The following PIP5K1B variants were observed in gnomAD, a reference collection of about 807,000 sequenced individuals.
PIP5K1B encodes phosphatidylinositol-4-phosphate 5-kinase type 1 beta.
A neutral mutation model predicts 67.0 loss-of-function variants in PIP5K1B; 42 were observed. That is an observed-to-expected ratio of 0.63 (90% CI 0.49 to 0.81). PIP5K1B has a LOEUF of 0.81. Ranked by LOEUF, PIP5K1B falls within the 30% of genes least tolerant of loss-of-function variation. PIP5K1B has a pLI of 0.00. For synonymous variants in PIP5K1B, 214 were observed against 231.4 expected (o/e 0.92, Z 0.68); for missense variants, 459 against 646.3 (o/e 0.71, Z 3.14).
At chr9:68,709,530 G>A (rs1334005094) in intron 1 of PIP5K1B, among the ~76,000 whole-genome samples, 1 of 152,168 alleles carries the variant, frequency 6.6e-6, no homozygotes, top group Non-Finnish European at 1.5e-5. Context: ...CCTGTGCTCG[G>A]CCAAAATGTT....
At chr9:68,798,841 A>G (rs561505732) in intron 2 of PIP5K1B, among the ~76,000 whole-genome samples, 1 of 152,336 alleles carries the variant, frequency 6.6e-6, no homozygotes, top group East Asian at 1.9e-4. Context: ...TAGTCTAGGC[A>G]AGAGATATTG....
At chr9:68,943,831 G>T (rs1461338566) in intron 14 of PIP5K1B, among the ~76,000 whole-genome samples, 1 of 152,160 alleles carries the variant, frequency 6.6e-6, no homozygotes, top group Admixed American at 6.5e-5. Flanking sequence ...ACTTCAACTA[G>T]CAGTTGTCAT....
chr9:68,996,286 T>G (rs1571637), intron 15 of PIP5K1B, among the ~76,000 whole-genome samples: 10,502 of 152,250 alleles, frequency 0.069, 1,212 homozygotes, highest in African/African-American at 0.24. Flanking sequence ...AAAAGGCAGC[T>G]AATTGTTCCA....
intron 5 of PIP5K1B, among the ~76,000 whole-genome samples, chr9:68,870,390 C>T (rs1202088241): frequency 1.3e-5 from 2 of 152,202 alleles, no homozygotes; most frequent in African/African-American, 4.8e-5. Context: ...AACTGCTCAG[C>T]AACAGGAGGT....
At chr9:68,913,313 A>G (rs1825939443) in intron 8 of PIP5K1B, among the ~76,000 whole-genome samples, 1 of 152,214 alleles carries the variant, frequency 6.6e-6, no homozygotes, top group South Asian at 2.1e-4. Context: ...TACAGAATAT[A>G]CTAGCAACAG....
intron 2 of PIP5K1B, among the ~76,000 whole-genome samples, chr9:68,797,523 T>G (rs913184280): frequency 6.6e-6 from 1 of 152,338 alleles, no homozygotes; most frequent in South Asian, 2.1e-4. Context: ...TATTTCTCAG[T>G]TTTTTAAAAT....
intron 8 of PIP5K1B, among the ~76,000 whole-genome samples, chr9:68,903,024 C>T (rs149729851): frequency 2.2e-4 from 33 of 152,280 alleles, no homozygotes; most frequent in African/African-American, 7.2e-4. Context: ...AGGAGTTTAA[C>T]GTGTGTGTTT....
chr9:68,919,046 T>C (rs1826240186), intron 9 of PIP5K1B, among the ~76,000 whole-genome samples: 1 of 152,236 alleles, frequency 6.6e-6, no homozygotes, highest in Non-Finnish European at 1.5e-5. Context: ...TTTAATTATA[T>C]TTTTTCTTTG....
intron 1 of PIP5K1B, among the ~76,000 whole-genome samples, chr9:68,716,305 A>G (rs764337320): frequency 6.6e-6 from 1 of 152,198 alleles, no homozygotes; most frequent in Non-Finnish European, 1.5e-5. Context: ...ATAACATATA[A>G]CTTGACTTAA....
chr9:69,006,689 A>G (rs1435488794), intron 15 of PIP5K1B, among the ~76,000 whole-genome samples: 2 of 140,504 alleles, frequency 1.4e-5, no homozygotes, highest in Non-Finnish European at 3.2e-5. Context: ...GGATCTCCTC[A>G]GGCATCACTC....
chr9:68,991,215 G>A lies in PIP5K1B; in HGVS notation c.1578G>A (p.Leu526=), dbSNP rs747550827. 1 of 1,610,920 alleles carries A rather than the reference G, an allele frequency of 6.2e-7. No individual in the cohort carries two copies. The highest frequency in any genetic ancestry group is 8.5e-7 in the Non-Finnish European group (1 of 1,177,078). The part of the protein sequence containing the change: ...TIYLTAEPNT[L]EVQDDNASVL... ...ACTTGACCGCTGAGCCCAACACTCT[G>A]GAAGTGCAGGATGACAATGCTTCTG... Residue 526 remains leucine (L), a synonymous_variant, in exon 15 of 16, where the codon CTG becomes CTA. Coordinates refer to ENST00000265382, the MANE Select transcript of PIP5K1B (RefSeq NM_003558.4).
intron 1 of PIP5K1B, chr9:68,728,650 A>G (rs1264221744): frequency 6.6e-6 from 1 of 152,164 alleles, no homozygotes; most frequent in Non-Finnish European, 1.5e-5. Flanking sequence ...CCCACTTGAG[A>G]TACTGGGGGA....
In PIP5K1B at chr9:68,822,537, C is replaced by A. The variant is rs75598305; in HGVS notation, c.1-78C>A. 9.1e-5 allele frequency: 94 copies of A among 1,029,466 alleles called. No individual in the cohort carries two copies. In the East Asian group the frequency reaches 2.0e-3, roughly 21 times the overall value. 63.8% of individuals were successfully genotyped at this position (1,029,466 alleles called of 1,614,324 possible). A position where few individuals can be genotyped will look rare whatever the true frequency, so the allele number is the denominator to read the frequency against. ...AAAACATACTTAACTAAAATAGATC[C>A]TTTGGTTAGCAATATTATTAATATA... On this transcript the variant is annotated intron_variant, in intron 3 of 15. Transcript: ENST00000265382.
At chr9:68,927,918 AT>A (rs1554739603) in intron 12 of PIP5K1B, among the ~76,000 whole-genome samples, 1 of 152,018 alleles carries the variant, frequency 6.6e-6, no homozygotes, top group Non-Finnish European at 1.5e-5. Context: ...TTCTGATTTA[AT>A]TTTTTTGTAT....
intron 1 of PIP5K1B, among the ~76,000 whole-genome samples, chr9:68,736,757 C>T (rs1353863297): frequency 2.0e-5 from 3 of 152,220 alleles, no homozygotes; most frequent in Non-Finnish European, 4.4e-5. Flanking sequence ...CTTCTACACA[C>T]TTTTGTTATT....
intron 14 of PIP5K1B, among the ~76,000 whole-genome samples, chr9:68,967,666 C>T (rs974262239): frequency 6.6e-6 from 1 of 152,190 alleles, no homozygotes; most frequent in African/African-American, 2.4e-5. Flanking sequence ...GGGAATCTGT[C>T]ACGCCATGCT....
chr9:68,925,565 G>A lies in PIP5K1B; in HGVS notation c.1201+2179G>A, dbSNP rs145700926. Among the ~76,000 whole-genome samples the A allele has an allele frequency of 1.8e-3, 271 of 151,756 alleles. 1 individual carries two copies. Among genetic ancestry groups the A allele is most frequent in the African/African-American group, 5.5e-3 (228 of 41,366 alleles). ...TATATTGGGTGTTTGTTATTTTTCC[G>A]AATTATTAATATCAATTCCATGTAT... On this transcript the variant is annotated intron_variant, in intron 12 of 15. Transcript: ENST00000265382.
chr9:68,932,500 A>T (rs1827053040), intron 12 of PIP5K1B, among the ~76,000 whole-genome samples: 1 of 152,186 alleles, frequency 6.6e-6, no homozygotes, highest in Admixed American at 6.5e-5. Flanking sequence ...TACAAAATAT[A>T]ATTATATTTT....
intron 15 of PIP5K1B, among the ~76,000 whole-genome samples, chr9:69,005,804 G>A (rs1181188116): frequency 1.3e-5 from 2 of 152,100 alleles, no homozygotes; most frequent in South Asian, 2.1e-4. Flanking sequence ...AGGATAAACA[G>A]TTTCTGCCTC....
Sources: gnomAD v4.1 joint callset for allele counts (sites outside exome capture counted in the v4.1 genomes callset) on GRCh38, gnomAD v4.1.1 for gene constraint, MANE v1.5 for transcripts, NCBI Gene and HGNC (gene_info 2026-07-23, HGNC 2026-07-21) for gene names.